Variants in RBFOX1 observed in about 807,000 individuals in gnomAD.
RBFOX1 encodes the protein RNA binding protein fox-1 homolog 1.
Under a neutral mutation model 57.7 loss-of-function variants are expected in RBFOX1, and 8 were observed. The observed-to-expected ratio is 0.14, with a 90% CI of 0.08 to 0.25. The LOEUF is 0.25. Among genes scored for constraint, RBFOX1 ranks in the 10% least tolerant of loss-of-function variants. RBFOX1 has a pLI of 1.00. For missense variants in RBFOX1, 611 were observed against 548.5 expected, an observed-to-expected ratio of 1.11 and a Z score of -1.14; for synonymous variants, 326 against 222.4, an observed-to-expected ratio of 1.47 and a Z score of -4.15.
intron 3 of RBFOX1, among the ~76,000 whole-genome samples, chr16:6,868,833 C>A (rs2060385362): frequency 6.6e-6 from 1 of 152,140 alleles, no homozygotes. Context: ...TGGGCTTTGC[C>A]ATATGACTTA....
At chr16:5,760,392 A>G (rs2053551504) in intron 3 of RBFOX1, among the ~76,000 whole-genome samples, 1 of 152,178 alleles carries the variant, frequency 6.6e-6, no homozygotes, top group Non-Finnish European at 1.5e-5. Context: ...ATACATATAC[A>G]TACACACACA....
chr16:7,418,308 T>G (rs2098504285), intron 4 of RBFOX1, among the ~76,000 whole-genome samples: 1 of 152,170 alleles, frequency 6.6e-6, no homozygotes. Flanking sequence ...GTTGTCTGTT[T>G]GAGTGGGGGA....
At chr16:7,492,504 C>A (rs1340470930) in intron 4 of RBFOX1, among the ~76,000 whole-genome samples, 1 of 152,126 alleles carries the variant, frequency 6.6e-6, no homozygotes, top group African/African-American at 2.4e-5. Context: ...CATATGACAG[C>A]CACTAGCCAC....
chr16:6,493,787 G>C (rs1474408880), intron 2 of RBFOX1, among the ~76,000 whole-genome samples: 1 of 152,174 alleles, frequency 6.6e-6, no homozygotes, highest in Non-Finnish European at 1.5e-5. Context: ...TCAGAAACCT[G>C]TGCACTTCAC....
Position 6,869,499 on chromosome 16 carries a change from G to C in RBFOX1, c.-15-182558G>C, listed in dbSNP as rs140603140. 6.6e-3 allele frequency among the ~76,000 whole-genome samples: 1,001 copies of C among 151,444 alleles called. 16 individuals carry two copies. The highest frequency in any genetic ancestry group is 0.023 in the African/African-American group (948 of 41,254). ...TTTTTTTTTTTAATGTAAATGCCCT[G>C]AGTTTTTCAACACATATAAAAGGGT... On this transcript the variant is annotated intron_variant, in intron 3 of 15. Transcript: ENST00000550418.
intron 4 of RBFOX1, among the ~76,000 whole-genome samples, chr16:7,061,511 A>G (rs2054268060): frequency 6.6e-6 from 1 of 152,186 alleles, no homozygotes; most frequent in Non-Finnish European, 1.5e-5. Flanking sequence ...TAATTCACAT[A>G]TATGTTAATT....
chr16:5,511,943 A>C (rs1253841835), intron 2 of RBFOX1, among the ~76,000 whole-genome samples: 1 of 152,190 alleles, frequency 6.6e-6, no homozygotes, highest in Non-Finnish European at 1.5e-5. Context: ...ACAGCTTCAG[A>C]GGAATTAAAG....
In RBFOX1 at chr16:6,658,023, A is replaced by G. The variant is rs117729882; in HGVS notation, c.-16+3373A>G. On this transcript the variant is annotated intron_variant, in intron 3 of 15. Transcript: ENST00000550418. Reference sequence around the variant, plus strand: ...TGTGTACCTCGATTTATAGCTATGTATATTGTTGAATATCTTCTTGATAGA... The same window carrying G: ...TGTGTACCTCGATTTATAGCTATGTGTATTGTTGAATATCTTCTTGATAGA... 4.6e-5 allele frequency among the ~76,000 whole-genome samples: 7 copies of G among 152,070 alleles called. No individual in the cohort carries two copies. In the South Asian group the frequency reaches 1.5e-3, roughly 32 times the overall value.
intron 4 of RBFOX1, among the ~76,000 whole-genome samples, chr16:7,072,500 C>G (rs1031772560): frequency 1.3e-5 from 2 of 152,132 alleles, no homozygotes; most frequent in Admixed American, 1.3e-4. Flanking sequence ...ATAGTAGAAA[C>G]TAAATATTAA....
At chr16:6,191,962 A>T (rs535004322) in intron 1 of RBFOX1, among the ~76,000 whole-genome samples, 1 of 152,320 alleles carries the variant, frequency 6.6e-6, no homozygotes, top group Non-Finnish European at 1.5e-5. Flanking sequence ...TTCTGTAAAT[A>T]TGTCTTGGGA....
intron 4 of RBFOX1, among the ~76,000 whole-genome samples, chr16:7,193,672 C>T (rs956795154): frequency 5.9e-5 from 9 of 152,272 alleles, no homozygotes; most frequent in African/African-American, 1.4e-4. Context: ...TTAACTTGCT[C>T]GCTGTCACAG....
intron 3 of RBFOX1, among the ~76,000 whole-genome samples, chr16:6,764,986 T>C (rs1470997928): frequency 6.6e-6 from 1 of 151,658 alleles, no homozygotes; most frequent in Non-Finnish European, 1.5e-5. Context: ...GATATTGTAA[T>C]GGAGAATCAT....
chr16:7,096,504 A>G (rs913568080), intron 4 of RBFOX1, among the ~76,000 whole-genome samples: 4 of 152,162 alleles, frequency 2.6e-5, no homozygotes, highest in Non-Finnish European at 4.4e-5. Flanking sequence ...AGGCTCTAGG[A>G]AAAGTTTTGA....
intron 2 of RBFOX1, among the ~76,000 whole-genome samples, chr16:6,504,388 T>A (rs576737858): frequency 1.3e-5 from 2 of 152,354 alleles, no homozygotes; most frequent in African/African-American, 2.4e-5. Flanking sequence ...CTAATGTGTT[T>A]GCTTTTCTGA....
intron 3 of RBFOX1, among the ~76,000 whole-genome samples, chr16:5,761,242 C>T (rs1021009887): frequency 4.6e-5 from 7 of 152,132 alleles, no homozygotes; most frequent in African/African-American, 1.7e-4. Context: ...AAGGTGACTT[C>T]TGAAGAGTAA....
chr16:5,956,686 T>TTTTTTTTTTG (rs1555456315), intron 4 of RBFOX1, among the ~76,000 whole-genome samples: 1 of 141,218 alleles, frequency 7.1e-6, no homozygotes, highest in Admixed American at 7.0e-5. Context: ...ATATTTTTTT[T>TTTTTTTTTTG]GAGGCACAGT....
intron 4 of RBFOX1, among the ~76,000 whole-genome samples, chr16:7,279,775 CCT>C (rs746787501): frequency 1.3e-5 from 2 of 152,288 alleles, no homozygotes; most frequent in East Asian, 1.9e-4. Context: ...GCTCATAGTT[CCT>C]CTTTCTCTTA....
intron 3 of RBFOX1, among the ~76,000 whole-genome samples, chr16:6,980,232 A>G (rs2088354446): frequency 6.6e-6 from 1 of 152,186 alleles, no homozygotes; most frequent in African/African-American, 2.4e-5. Flanking sequence ...AAATTACCGC[A>G]AAATTTTATT....
chr16:6,989,194 C>A (rs1243302408), intron 3 of RBFOX1, among the ~76,000 whole-genome samples: 2 of 152,154 alleles, frequency 1.3e-5, no homozygotes, highest in East Asian at 3.9e-4. Context: ...CTGTGCTTGG[C>A]CTCTTTTTCC....
Sources: gnomAD v4.1 joint callset for allele counts (sites outside exome capture counted in the v4.1 genomes callset) on GRCh38, gnomAD v4.1.1 for gene constraint, MANE v1.5 for transcripts, NCBI Gene and HGNC (gene_info 2026-07-23, HGNC 2026-07-21) for gene names.